Variants in SPG11 observed in about 807,000 individuals in gnomAD.
SPG11 encodes spatacsin.
In SPG11, 222 loss-of-function variants were observed where a neutral mutation model predicts 274.0. The observed-to-expected ratio is 0.81, with a 90% CI of 0.73 to 0.91. The LOEUF (loss-of-function observed/expected upper bound fraction) is 0.91. Ranked by LOEUF, SPG11 falls within the 40% of genes least tolerant of loss-of-function variation. The probability of loss-of-function intolerance (pLI) is 0.00; values close to 1 mark genes in which losing one functional copy is unlikely to be tolerated. For missense variants in SPG11, 3,114 were observed against 2,872.7 expected, an observed-to-expected ratio of 1.08 and a Z score of -1.92; for synonymous variants, 1,144 against 1,039.7, an observed-to-expected ratio of 1.10 and a Z score of -1.93.
At chr15:44,569,750 T>C (rs538761148) in intron 34 of SPG11, among the ~76,000 whole-genome samples, 6 of 150,288 alleles carry the variant, frequency 4.0e-5, no homozygotes, top group Non-Finnish European at 8.9e-5. Context: ...GGAGTCTTGC[T>C]CTGTCACCCA....
At chr15:44,615,273 T>C (rs2083563394) in intron 16 of SPG11, 90 bp downstream of exon 16, 1 of 1,232,674 alleles carries the variant, frequency 8.1e-7, no homozygotes, top group Non-Finnish European at 1.2e-6. Context: ...TGTGAATGCT[T>C]ACTATTTTCC....
At chr15:44,589,731 A>G (rs1242531176) in intron 27 of SPG11, among the ~76,000 whole-genome samples, 2 of 152,230 alleles carry the variant, frequency 1.3e-5, no homozygotes, top group African/African-American at 4.8e-5. Flanking sequence ...AAATATTCCT[A>G]CTTAGTGACT....
intron 39 of SPG11, among the ~76,000 whole-genome samples, chr15:44,564,025 C>T (rs1431332189): frequency 6.6e-6 from 1 of 151,952 alleles, no homozygotes; most frequent in Non-Finnish European, 1.5e-5. Flanking sequence ...ACAAGAGTCA[C>T]ACTCTGTTGC....
intron 30 of SPG11, 115 bp from the exon 31 acceptor site, chr15:44,575,156 T>C: frequency 1.5e-6 from 2 of 1,303,368 alleles, no homozygotes; most frequent in Non-Finnish European, 2.1e-6. Flanking sequence ...CCCATTACTC[T>C]GACTGGGGAT....
intron 7 of SPG11, among the ~76,000 whole-genome samples, chr15:44,633,843 TC>T (rs933588771): frequency 1.3e-5 from 2 of 152,002 alleles, no homozygotes; most frequent in African/African-American, 4.8e-5. Flanking sequence ...TCTTTTCCTT[TC>T]TTTTTTTTTT....
chr15:44,598,888 C>A lies in SPG11; in HGVS notation c.3687-52G>T, dbSNP rs768343014. 1.9e-6 allele frequency: 3 copies of A among 1,546,238 alleles called. 1 individual carries two copies. In the South Asian group the frequency reaches 3.4e-5, roughly 17 times the overall value. On this transcript the variant is annotated intron_variant, in intron 21 of 39. Transcript: ENST00000261866. Reference sequence around the variant, plus strand: ...ATCAGCACATGAAAATTATGTCTCACCAGGAAAAGCAAATGGAATTAAATC... The same window carrying A: ...ATCAGCACATGAAAATTATGTCTCAACAGGAAAAGCAAATGGAATTAAATC...
intron 30 of SPG11, among the ~76,000 whole-genome samples, chr15:44,580,216 A>G (rs1270390484): frequency 1.3e-5 from 2 of 152,168 alleles, no homozygotes; most frequent in Non-Finnish European, 2.9e-5. Flanking sequence ...ATAATCAACT[A>G]CAGTACAGTA....
At chr15:44,598,221 C>T (rs376705813) in intron 23 of SPG11, 44 bp downstream of exon 23, 4 of 1,479,254 alleles carry the variant, frequency 2.7e-6, no homozygotes, top group East Asian at 2.3e-5. Context: ...CAGGTTGGCA[C>T]AATAAGCTTG....
Position 44,563,014 on chromosome 15 carries a change from G to T in SPG11, c.*107C>A. On this transcript the variant is annotated 3_prime_UTR_variant, in exon 40 of 40. Transcript: ENST00000261866. ...ACCCACAAAGGACTGATATGGTACA[G>T]TACCGGGATTGTTCAACTTTAGCAA... 8.9e-7 allele frequency: 1 copy of T among 1,124,172 alleles called. No homozygotes were observed. Among genetic ancestry groups the T allele is most frequent in the East Asian group, 2.5e-5 (1 of 40,712 alleles). The allele number at this position is 1,124,172 out of a possible 1,614,324, so 69.6% of individuals were successfully genotyped here.
intron 6 of SPG11, among the ~76,000 whole-genome samples, chr15:44,651,098 C>T (rs1437116628): frequency 1.3e-5 from 2 of 152,116 alleles, no homozygotes; most frequent in African/African-American, 2.4e-5. Context: ...GTGTGAAATC[C>T]TCTCATTCTG....
At chr15:44,659,713 A>T (rs2085048633) in intron 2 of SPG11, among the ~76,000 whole-genome samples, 1 of 152,246 alleles carries the variant, frequency 6.6e-6, no homozygotes, top group Non-Finnish European at 1.5e-5. Flanking sequence ...CAACAGCTCT[A>T]TAAGCAGTCT....
At chr15:44,609,730 C>T (rs2083410893) in intron 18 of SPG11, among the ~76,000 whole-genome samples, 1 of 150,918 alleles carries the variant, frequency 6.6e-6, no homozygotes, top group Non-Finnish European at 1.5e-5. Context: ...CCTGCCCCCG[C>T]CCAGCTTTTT....
chr15:44,567,552 C>T lies in SPG11; in HGVS notation c.6626G>A (p.Arg2209His), dbSNP rs576265832. 7 of 1,613,904 alleles carry T rather than the reference C, an allele frequency of 4.3e-6. No homozygotes were observed. Among genetic ancestry groups the T allele is most frequent in the South Asian group, 2.2e-5 (2 of 91,072 alleles). Residue 2209 changes from arginine (R) to histidine (H), a missense_variant, in exon 36 of 40, where the codon CGC (arginine) becomes CAC (histidine). Arg to His is a conservative substitution (Grantham distance 29). Coordinates refer to ENST00000261866, the MANE Select transcript of SPG11 (RefSeq NM_025137.4). Reference protein sequence around the residue: ...LKTALLDYIKRCRPGDSEKHN... With the variant: ...LKTALLDYIKHCRPGDSEKHN... ...CTTTTCACTGTCTCCAGGACGGCAG[C>T]GTTTGATGTAGTCCAGCAGGGCTGT...
rs761765316 is a variant in SPG11, at chr15:44,573,770, AG to A, written c.6007-26del. 3.0e-5 allele frequency: 48 copies of A among 1,613,536 alleles called. No homozygotes were observed. In the East Asian group the frequency reaches 1.0e-3, roughly 35 times the overall value. On this transcript the variant is annotated intron_variant, in intron 31 of 39. Coordinates refer to ENST00000261866, the MANE Select transcript of SPG11 (RefSeq NM_025137.4). ...CCTGAGAGGAAGACAAAGCCAGTCA[AG>A]GCCACTTTTAGAAGCCAGGAAAAAG...
intron 32 of SPG11, among the ~76,000 whole-genome samples, chr15:44,573,032 G>T (rs1357743565): frequency 6.9e-6 from 1 of 145,632 alleles, no homozygotes; most frequent in African/African-American, 2.6e-5. Context: ...TGTCATCCAG[G>T]CTGGAGTGCA....
Position 44,626,379 on chromosome 15 carries a change from A to G in SPG11, c.2196T>C (p.Asn732=), listed in dbSNP as rs2141037849. Residue 732 remains asparagine (N), a synonymous_variant, in exon 11 of 40, where the codon AAT becomes AAC. Transcript: ENST00000261866. ...IGIGLNLVFD[N]LKKNNIKEAS... Reference sequence around the variant, plus strand: ...CTTCCTTTATATTGTTCTTTTTTAAATTGTCAAAGACCAAATTTAGGCCTA... The same window carrying G: ...CTTCCTTTATATTGTTCTTTTTTAAGTTGTCAAAGACCAAATTTAGGCCTA... 3 of 1,613,516 alleles carry G rather than the reference A, an allele frequency of 1.9e-6. No homozygotes were observed. The highest frequency in any genetic ancestry group is 2.5e-6 in the Non-Finnish European group (3 of 1,179,842).
At chr15:44,610,781 T>C (rs1012561739) in intron 18 of SPG11, 59 bp downstream of exon 18, 7 of 1,428,750 alleles carry the variant, frequency 4.9e-6, no homozygotes, top group East Asian at 2.3e-5. Context: ...AGACAATCCA[T>C]AGATAATTCT....
At chr15:44,565,153 AAGGGCTAGAACC>A (rs762245546) in intron 38 of SPG11, among the ~76,000 whole-genome samples, 34 of 152,334 alleles carry the variant, frequency 2.2e-4, no homozygotes, top group Non-Finnish European at 2.5e-4. Context: ...CACTTCTTTA[AAGGGCTAGAACC>A]AATCTCCCTG....
At chr15:44,625,563 T>C (rs532694404) in intron 11 of SPG11, among the ~76,000 whole-genome samples, 1 of 152,350 alleles carries the variant, frequency 6.6e-6, no homozygotes, top group Non-Finnish European at 1.5e-5. Context: ...TCTTCTGCCA[T>C]GACTGTAAGT....
Sources: allele counts gnomAD v4.1 joint callset (sites outside exome capture counted in the v4.1 genomes callset), GRCh38; gene constraint gnomAD v4.1.1; transcripts MANE v1.5; gene names NCBI Gene and HGNC (gene_info 2026-07-23, HGNC 2026-07-21).